The following SEMA6D variants were observed in gnomAD, a reference collection of about 807,000 sequenced individuals.
SEMA6D encodes the protein semaphorin-6D.
Under a neutral mutation model 106.6 loss-of-function variants are expected in SEMA6D, and 35 were observed. That is an observed-to-expected ratio of 0.33 (90% CI 0.25 to 0.44). SEMA6D has a LOEUF of 0.44. Ranked by LOEUF, SEMA6D falls within the 20% of genes least tolerant of loss-of-function variation. The pLI is 1.00. For synonymous variants in SEMA6D, 499 were observed against 487.7 expected (o/e 1.02, Z -0.31); for missense variants, 1,185 against 1,345.9 (o/e 0.88, Z 1.87).
chr15:47,704,206 A>T (rs2145956663), intron 4 of SEMA6D, among the ~76,000 whole-genome samples: 1 of 152,164 alleles, frequency 6.6e-6, no homozygotes, highest in South Asian at 2.1e-4. Context: ...GGCTGGCCTC[A>T]AACTCTTGAA....
In SEMA6D at chr15:47,765,033, G is replaced by C; in HGVS notation, c.1404G>C (p.Glu468Asp). 2 of 1,613,870 alleles carry C rather than the reference G, an allele frequency of 1.2e-6. No homozygotes were observed. Among genetic ancestry groups the C allele is most frequent in the South Asian group, 1.1e-5 (1 of 91,080 alleles). The change falls in exon 13 of 19, where the codon GAG becomes GAC. Residue 468 changes from glutamate to aspartate, a missense_variant. Physicochemically the swap from Glu to Asp is conservative, Grantham distance 45 (BLOSUM62 2). Coordinates refer to ENST00000536845, the MANE Select transcript of SEMA6D (RefSeq NM_001358351.3). The part of the protein sequence containing the change: ...FSLNDSVLLE[E>D]IEAYNHAKCS... Reference sequence around the variant, plus strand: ...TGAACGACAGCGTATTACTGGAAGAGATTGAAGCCTACAACCATGCAAAGT... The same window carrying C: ...TGAACGACAGCGTATTACTGGAAGACATTGAAGCCTACAACCATGCAAAGT...
chr15:47,369,463 A>G (rs1024913516), intron 1 of SEMA6D, among the ~76,000 whole-genome samples: 4 of 152,224 alleles, frequency 2.6e-5, no homozygotes, highest in East Asian at 1.9e-4. Context: ...TTCAGCTACT[A>G]TGTTGGGCTT....
At chr15:47,191,786 G>T (rs948437805) in intron 1 of SEMA6D, among the ~76,000 whole-genome samples, 8 of 152,136 alleles carry the variant, frequency 5.3e-5, no homozygotes, top group South Asian at 2.1e-4. Flanking sequence ...AAAGCTTAAT[G>T]GGAGAATTGA....
intron 3 of SEMA6D, among the ~76,000 whole-genome samples, chr15:47,513,696 G>A (rs2044300791): frequency 6.6e-6 from 1 of 152,182 alleles, no homozygotes; most frequent in Non-Finnish European, 1.5e-5. Context: ...AGATGATGAC[G>A]ATAATGTGCG....
In SEMA6D at chr15:47,607,377, A is replaced by G. The variant is rs116390829; in HGVS notation, c.-55+6481A>G. Among the ~76,000 whole-genome samples the G allele has an allele frequency of 5.0e-3, 761 of 152,334 alleles. 3 individuals carry two copies. The highest frequency in any genetic ancestry group is 0.017 in the African/African-American group (700 of 41,572). On this transcript the variant is annotated intron_variant, in intron 4 of 19. Coordinates refer to the SEMA6D transcript ENST00000558014. ...TTTATAGACAGACAAATGGAGGTTCATCAAGATTAATGACTGTCTCCAGGT... is the reference window on the plus strand; with the variant it reads ...TTTATAGACAGACAAATGGAGGTTCGTCAAGATTAATGACTGTCTCCAGGT...
chr15:47,764,162 C>A lies in SEMA6D; in HGVS notation c.966-12C>A. On this transcript the variant is annotated splice_polypyrimidine_tract_variant and intron_variant, in intron 10 of 18. Coordinates refer to ENST00000536845, the MANE Select transcript of SEMA6D (RefSeq NM_001358351.3). ...TCGCCAGCCTCTTCCTGATGATTTT[C>A]TTCCTTTTCAGCATCCCTGGTTCTG... 2.5e-6 allele frequency: 4 copies of A among 1,613,122 alleles called. No homozygotes were observed. Among genetic ancestry groups the A allele is most frequent in the Non-Finnish European group, 3.4e-6 (4 of 1,179,480 alleles).
At chr15:47,541,027 A>C (rs2045337981) in intron 3 of SEMA6D, among the ~76,000 whole-genome samples, 1 of 152,132 alleles carries the variant, frequency 6.6e-6, no homozygotes, top group African/African-American at 2.4e-5. Context: ...ATAAAGGGGA[A>C]CCATGGAAGA....
chr15:47,588,614 G>T, intron 3 of SEMA6D, among the ~76,000 whole-genome samples: 1 of 152,208 alleles, frequency 6.6e-6, no homozygotes, highest in South Asian at 2.1e-4. Flanking sequence ...ATTTGCAATT[G>T]CAGTTTGAAG....
intron 2 of SEMA6D, among the ~76,000 whole-genome samples, chr15:47,447,586 A>G (rs1252815276): frequency 2.0e-5 from 3 of 152,146 alleles, no homozygotes; most frequent in African/African-American, 7.2e-5. Flanking sequence ...ACCCTTTCAG[A>G]CATGGCCCTA....
chr15:47,613,757 C>A (rs2076955519), intron 4 of SEMA6D, among the ~76,000 whole-genome samples: 1 of 152,090 alleles, frequency 6.6e-6, no homozygotes, highest in Non-Finnish European at 1.5e-5. Context: ...AGGTTCACGC[C>A]ATTCTCCTGC....
At chr15:47,413,580 C>G (rs1325734126) in intron 2 of SEMA6D, among the ~76,000 whole-genome samples, 2 of 151,926 alleles carry the variant, frequency 1.3e-5, no homozygotes, top group Admixed American at 6.6e-5. Flanking sequence ...AACTCCTAGG[C>G]TCAAAGGATC....
At chr15:47,216,057 C>T (rs757428698) in intron 1 of SEMA6D, among the ~76,000 whole-genome samples, 61 of 152,148 alleles carry the variant, frequency 4.0e-4, no homozygotes, top group Non-Finnish European at 7.8e-4. Flanking sequence ...CTAAATTAGT[C>T]CTGATATGTA....
intron 1 of SEMA6D, among the ~76,000 whole-genome samples, chr15:47,743,565 C>T (rs889456027): frequency 2.0e-5 from 3 of 152,054 alleles, no homozygotes; most frequent in African/African-American, 7.2e-5. Context: ...CAGACTATCA[C>T]GTGATATGTG....
chr15:47,298,409 A>G (rs2035889153), intron 1 of SEMA6D, among the ~76,000 whole-genome samples: 1 of 152,090 alleles, frequency 6.6e-6, no homozygotes, highest in South Asian at 2.1e-4. Context: ...AAAAATACCA[A>G]AAACATTTAG....
chr15:47,388,110 G>T (rs982574488), intron 1 of SEMA6D, among the ~76,000 whole-genome samples: 6 of 152,140 alleles, frequency 3.9e-5, no homozygotes, highest in African/African-American at 1.4e-4. Context: ...ACCATTTCCT[G>T]ATCAAATCCA....
chr15:47,554,978 C>T (rs565527640), intron 3 of SEMA6D, among the ~76,000 whole-genome samples: 7 of 152,134 alleles, frequency 4.6e-5, no homozygotes, highest in Non-Finnish European at 8.8e-5. Flanking sequence ...TTGAAAATAT[C>T]TTTGCATGCC....
At chr15:47,447,555 G>A (rs546775871) in intron 2 of SEMA6D, among the ~76,000 whole-genome samples, 2 of 152,238 alleles carry the variant, frequency 1.3e-5, no homozygotes, top group South Asian at 2.1e-4. Flanking sequence ...CTCCACAGGG[G>A]CAGAAGCTCT....
At chr15:47,583,695 A>T (rs2076290283) in intron 3 of SEMA6D, among the ~76,000 whole-genome samples, 1 of 152,160 alleles carries the variant, frequency 6.6e-6, no homozygotes, top group African/African-American at 2.4e-5. Flanking sequence ...GCCCGCAGAG[A>T]GCAGACATGG....
chr15:47,416,160 A>G (rs1330430393), intron 2 of SEMA6D, among the ~76,000 whole-genome samples: 14 of 152,116 alleles, frequency 9.2e-5, no homozygotes, highest in Non-Finnish European at 5.9e-5. Context: ...TGTGTGCACT[A>G]TGGTCCTCCC....
Sources: gnomAD v4.1 joint callset for allele counts (sites outside exome capture counted in the v4.1 genomes callset) on GRCh38, gnomAD v4.1.1 for gene constraint, MANE v1.5 for transcripts, NCBI Gene and HGNC (gene_info 2026-07-23, HGNC 2026-07-21) for gene names.